The following SNTG2 variants were observed in gnomAD, a reference collection of about 807,000 sequenced individuals.
SNTG2 encodes the protein syntrophin gamma 2.
In SNTG2, 74 loss-of-function variants were observed where a neutral mutation model predicts 70.9. That is an observed-to-expected ratio of 1.04 (90% confidence interval 0.86 to 1.27). SNTG2 has a LOEUF of 1.27. SNTG2 is among the 50% of genes most tolerant of loss of function. The pLI, the probability that SNTG2 is intolerant of heterozygous loss-of-function variation, is 0.00. For synonymous variants in SNTG2, 278 were observed against 273.8 expected, an observed-to-expected ratio of 1.02 and a Z score of -0.15; for missense variants, 717 against 690.7, an observed-to-expected ratio of 1.04 and a Z score of -0.43.
chr2:1,097,352 C>A lies in SNTG2; in HGVS notation c.211-844C>A, dbSNP rs949106949. Among the ~76,000 whole-genome samples the A allele has an allele frequency of 4.6e-5, 7 of 152,178 alleles. No homozygotes were observed. Among genetic ancestry groups the A allele is most frequent in the Admixed American group, 3.3e-4 (5 of 15,284 alleles). ...TTTGCACAGCAGATTCCTTTCAGAG[C>A]CATTCAGCCTGAACATGCTCATGTT... On this transcript the variant is annotated intron_variant, in intron 2 of 16. Coordinates refer to ENST00000308624, the MANE Select transcript of SNTG2 (RefSeq NM_018968.4). The surrounding 1 kb of genome is among the most constrained non-coding windows in gnomAD (Gnocchi z 4.1).
At chr2:1,026,777 T>A (rs1197456498) in intron 1 of SNTG2, among the ~76,000 whole-genome samples, 5 of 152,168 alleles carry the variant, frequency 3.3e-5, no homozygotes, top group Admixed American at 3.3e-4. Flanking sequence ...CCATCCTCTC[T>A]CACTGGGTGA....
At chr2:1,190,486 G>GT (rs1672514117) in intron 8 of SNTG2, among the ~76,000 whole-genome samples, 1 of 119,900 alleles carries the variant, frequency 8.3e-6, no homozygotes. Context: ...CACAAATATG[G>GT]AGGGCTGACT....
chr2:1,317,315 C>G (rs111340536), intron 16 of SNTG2, among the ~76,000 whole-genome samples: 15 of 84,706 alleles, frequency 1.8e-4, no homozygotes, highest in Middle Eastern at 9.1e-3. Flanking sequence ...CATTTAGCAT[C>G]AGGCCAGCAT....
intron 8 of SNTG2, among the ~76,000 whole-genome samples, chr2:1,184,732 T>C (rs1172025279): frequency 6.6e-6 from 1 of 152,164 alleles, no homozygotes; most frequent in East Asian, 1.9e-4. Flanking sequence ...TTCAATCACC[T>C]CCCATCAGGC....
intron 6 of SNTG2, among the ~76,000 whole-genome samples, chr2:1,138,794 A>G (rs1233851718): frequency 6.6e-6 from 1 of 152,162 alleles, no homozygotes; most frequent in Non-Finnish European, 1.5e-5. Flanking sequence ...TTTCTTCTTC[A>G]GTGTTTATCT....
chr2:1,032,011 ATGG>A (rs1479334290), intron 1 of SNTG2, among the ~76,000 whole-genome samples: 5 of 152,200 alleles, frequency 3.3e-5, no homozygotes, highest in Admixed American at 6.5e-5. Flanking sequence ...AAATTTAAAA[ATGG>A]TGGGCTGTAT....
At chr2:1,074,232 G>T (rs995341488) in intron 1 of SNTG2, among the ~76,000 whole-genome samples, 2 of 152,222 alleles carry the variant, frequency 1.3e-5, no homozygotes, top group African/African-American at 4.8e-5. Context: ...GGAATGCTCA[G>T]ACATGCCCTG....
intron 1 of SNTG2, among the ~76,000 whole-genome samples, chr2:1,062,048 TAAC>T (rs1276741797): frequency 6.6e-6 from 1 of 152,158 alleles, no homozygotes; most frequent in African/African-American, 2.4e-5. Flanking sequence ...AATATGTTAA[TAAC>T]AAACATGAGT....
chr2:1,087,174 G>A (rs779008980), intron 2 of SNTG2, among the ~76,000 whole-genome samples: 2 of 152,166 alleles, frequency 1.3e-5, no homozygotes, highest in Non-Finnish European at 2.9e-5. Context: ...ATAGCAGGAG[G>A]GGTAAATAAA....
chr2:1,322,125 T>G (rs1317155867), intron 16 of SNTG2, among the ~76,000 whole-genome samples: 1 of 152,236 alleles, frequency 6.6e-6, no homozygotes, highest in African/African-American at 2.4e-5. Context: ...AAACACAATA[T>G]TCAAACTAAC....
At chr2:1,306,546 G>T (rs9752500) in intron 14 of SNTG2, among the ~76,000 whole-genome samples, 4,184 of 152,310 alleles carry the variant, frequency 0.027, 188 homozygotes, top group African/African-American at 0.096. Flanking sequence ...CAGCAGGAGC[G>T]GGGGGACAGT....
At chr2:1,266,637 A>G (rs1360038410) in intron 13 of SNTG2, among the ~76,000 whole-genome samples, 1 of 151,702 alleles carries the variant, frequency 6.6e-6, no homozygotes, top group Non-Finnish European at 1.5e-5. Flanking sequence ...CAGTAATTCT[A>G]TAGAGACTCG....
chr2:951,116 C>T, intron 1 of SNTG2, 48 bp downstream of exon 1: 28 of 933,228 alleles, frequency 3.0e-5, no homozygotes, highest in Non-Finnish European at 3.9e-5. Context: ...CCCCTTCCCT[C>T]TCCTTCGCGC....
At chr2:1,119,850 GAAAAT>G (rs1339951021) in intron 4 of SNTG2, among the ~76,000 whole-genome samples, 1 of 151,916 alleles carries the variant, frequency 6.6e-6, no homozygotes, top group Non-Finnish European at 1.5e-5. Flanking sequence ...TTACAAATAA[GAAAAT>G]AAGAGAATGA....
At chr2:1,073,319 C>T (rs1012708888) in intron 1 of SNTG2, among the ~76,000 whole-genome samples, 1 of 152,190 alleles carries the variant, frequency 6.6e-6, no homozygotes, top group South Asian at 2.1e-4. Context: ...TTACCACAGC[C>T]ATTTCAACCT....
intron 1 of SNTG2, among the ~76,000 whole-genome samples, chr2:980,245 C>A (rs1452030310): frequency 6.6e-6 from 1 of 152,140 alleles, no homozygotes; most frequent in Non-Finnish European, 1.5e-5. Context: ...ATCCAGTGCT[C>A]AGTTACAACT....
At chr2:1,051,135 A>G (rs1354563662) in intron 1 of SNTG2, among the ~76,000 whole-genome samples, 1 of 116,382 alleles carries the variant, frequency 8.6e-6, no homozygotes, top group Non-Finnish European at 1.8e-5. Flanking sequence ...CAATGTTTAC[A>G]CATTTCCTTC....
At chr2:992,676 G>A (rs1011310873) in intron 1 of SNTG2, among the ~76,000 whole-genome samples, 29 of 152,170 alleles carry the variant, frequency 1.9e-4, no homozygotes, top group Non-Finnish European at 3.4e-4. Context: ...TTTCATATGT[G>A]ACAGTGCAGG....
intron 16 of SNTG2, among the ~76,000 whole-genome samples, chr2:1,361,172 G>A (rs1034121305): frequency 2.6e-5 from 4 of 152,180 alleles, no homozygotes; most frequent in Non-Finnish European, 4.4e-5. Flanking sequence ...GGGGGCCAAC[G>A]TGAAGCTTTA....
Sources: allele counts gnomAD v4.1 joint callset (sites outside exome capture counted in the v4.1 genomes callset), GRCh38; gene constraint gnomAD v4.1.1; non-coding constraint Gnocchi (gnomAD v3.1); transcripts MANE v1.5; gene names NCBI Gene and HGNC (gene_info 2026-07-23, HGNC 2026-07-21).